Variants in SNX29 observed in about 807,000 individuals in gnomAD.
SNX29 encodes sorting nexin-29.
SNX29 carries 78 observed loss-of-function variants against 102.1 expected under a neutral mutation model. That is an observed-to-expected ratio of 0.76 (90% CI 0.64 to 0.92). The LOEUF is 0.92. SNX29 is among the 40% of genes least tolerant of loss of function. The pLI, the probability that SNX29 is intolerant of heterozygous loss-of-function variation, is 0.00. For synonymous variants in SNX29, 580 were observed against 414.5 expected (o/e 1.40, Z -4.85); for missense variants, 1,280 against 1,061.7 (o/e 1.21, Z -2.86).
chr16:11,989,772 G>A (rs1450900179), intron 1 of SNX29, among the ~76,000 whole-genome samples: 3 of 152,202 alleles, frequency 2.0e-5, no homozygotes, highest in Non-Finnish European at 4.4e-5. Context: ...TTACATCAGC[G>A]CTATGGCAGG....
At chr16:12,115,916 A>G (rs949621871) in intron 11 of SNX29, among the ~76,000 whole-genome samples, 1 of 152,238 alleles carries the variant, frequency 6.6e-6, no homozygotes. Flanking sequence ...TTAGGGGAGC[A>G]GCTGTCTTCC....
intron 15 of SNX29, among the ~76,000 whole-genome samples, chr16:12,305,079 A>T (rs542236743): frequency 1.3e-5 from 2 of 152,364 alleles, no homozygotes; most frequent in African/African-American, 4.8e-5. Flanking sequence ...ATCAATTATC[A>T]TAGTGTGACA....
chr16:12,572,335 G>A lies in SNX29; in HGVS notation c.*3706G>A, dbSNP rs916070369. The A allele has an allele frequency of 9.4e-7, 1 of 1,063,180 alleles. No individual in the cohort carries two copies. The allele number at this position is 1,063,180 out of a possible 1,614,324, so 65.9% of individuals were successfully genotyped here. ...TTGGAAACAGGAGTGAAGCCCACCA[G>A]CCTGCCTGGTTGATGGACAGCAGGC... On this transcript the variant is annotated 3_prime_UTR_variant, in exon 21 of 21. Transcript: ENST00000566228.
In SNX29 at chr16:12,392,039, G is replaced by A. The variant is rs543444110; in HGVS notation, c.1900-6407G>A. Among the ~76,000 whole-genome samples the A allele has an allele frequency of 5.3e-5, 8 of 152,310 alleles. No homozygotes were observed. The South Asian group carries it at 1.7e-3, about 32-fold the overall frequency. ...GCACCCATGGCTAGCAGGTTCTTAC[G>A]TGTCTTTATAGAAATGGTTCATGCA... On this transcript the variant is annotated intron_variant, in intron 16 of 20. Transcript: ENST00000566228.
chr16:12,248,525 G>A (rs747599878), intron 14 of SNX29, among the ~76,000 whole-genome samples: 1 of 151,820 alleles, frequency 6.6e-6, no homozygotes, highest in Admixed American at 6.6e-5. Flanking sequence ...CCTCCTGAGC[G>A]ATTACAGGCG....
chr16:12,348,230 C>T (rs550452138), intron 15 of SNX29, among the ~76,000 whole-genome samples: 16 of 152,298 alleles, frequency 1.1e-4, no homozygotes, highest in African/African-American at 3.6e-4. Flanking sequence ...TCATGTCTGC[C>T]AGTCTCCTGG....
At chr16:12,093,967 C>A (rs1454804292) in intron 11 of SNX29, 1 of 152,184 alleles carries the variant, frequency 6.6e-6, no homozygotes, top group Non-Finnish European at 1.5e-5. Context: ...TCTGGGGCAA[C>A]ACTGGCAATC....
intron 11 of SNX29, among the ~76,000 whole-genome samples, chr16:12,101,752 T>C (rs2053031591): frequency 6.6e-6 from 1 of 152,154 alleles, no homozygotes; most frequent in Non-Finnish European, 1.5e-5. Context: ...TTGGTAATAA[T>C]GAAAAAGGAA....
At chr16:12,094,829 G>T (rs554184945) in intron 11 of SNX29, among the ~76,000 whole-genome samples, 1 of 152,016 alleles carries the variant, frequency 6.6e-6, no homozygotes, top group East Asian at 1.9e-4. Context: ...AAGCAGCAGG[G>T]CCGTTTTCCA....
intron 14 of SNX29, among the ~76,000 whole-genome samples, chr16:12,213,027 T>C (rs927175761): frequency 4.6e-5 from 7 of 152,240 alleles, no homozygotes; most frequent in African/African-American, 1.4e-4. Flanking sequence ...GGCAGGAGAA[T>C]AGCTTGAATC....
At position 12,403,457 on chromosome 16, in the gene SNX29, G is replaced by A. The variant is rs1157218419; in HGVS notation, c.1965G>A (p.Arg655=). Residue 655 remains arginine, a synonymous_variant, in exon 18 of 21, where the codon CGG becomes CGA. Coordinates refer to ENST00000566228, the MANE Select transcript of SNX29 (RefSeq NM_032167.5). The part of the protein sequence containing the change: ...QSLSDFEISN[R]ALINVWIPSV... ...TCTTCCTTTTGGTTAGATCAAACCG[G>A]GCGCTGATCAACGTCTGGATCCCCT... The A allele has an allele frequency of 6.2e-6, 10 of 1,607,390 alleles. No homozygotes were observed. The highest frequency in any genetic ancestry group is 8.5e-6 in the Non-Finnish European group (10 of 1,176,828).
chr16:12,414,643 A>G (rs949774864), intron 18 of SNX29, among the ~76,000 whole-genome samples: 7 of 152,212 alleles, frequency 4.6e-5, no homozygotes, highest in Admixed American at 2.0e-4. Flanking sequence ...TGGTAAAAGT[A>G]GAAGTCCTGC....
chr16:12,344,981 C>A (rs2081747196), intron 15 of SNX29, among the ~76,000 whole-genome samples: 1 of 152,200 alleles, frequency 6.6e-6, no homozygotes, highest in Non-Finnish European at 1.5e-5. Context: ...ATAATTACAC[C>A]CATTGTGTGG....
At chr16:12,288,678 G>GAAAAAAAAAA (rs532173454) in intron 15 of SNX29, among the ~76,000 whole-genome samples, 1 of 107,012 alleles carries the variant, frequency 9.3e-6, no homozygotes. Context: ...GACATCTGGG[G>GAAAAAAAAAA]AAAAAAAAAA....
At chr16:12,535,739 C>G (rs867484458) in intron 20 of SNX29, among the ~76,000 whole-genome samples, 3 of 152,094 alleles carry the variant, frequency 2.0e-5, no homozygotes, top group African/African-American at 4.8e-5. Context: ...GGCTTGGTCA[C>G]GCTCGTCTTC....
chr16:12,488,624 C>T (rs2088375026), intron 19 of SNX29, among the ~76,000 whole-genome samples: 1 of 152,134 alleles, frequency 6.6e-6, no homozygotes, highest in Admixed American at 6.5e-5. Flanking sequence ...TGGTTAATTT[C>T]CTTTCTCCCT....
At chr16:12,326,776 C>A (rs917176702) in intron 15 of SNX29, among the ~76,000 whole-genome samples, 2 of 152,088 alleles carry the variant, frequency 1.3e-5, no homozygotes, top group Non-Finnish European at 2.9e-5. Flanking sequence ...GCTTGTGGTA[C>A]TGTGGTGCAG....
intron 3 of SNX29, among the ~76,000 whole-genome samples, chr16:12,011,059 C>T (rs987707361): frequency 3.3e-5 from 5 of 152,122 alleles, no homozygotes; most frequent in Admixed American, 6.6e-5. Flanking sequence ...ACCAAAAATC[C>T]TGGGGTTCAT....
chr16:12,035,790 T>G (rs747340079), intron 4 of SNX29, among the ~76,000 whole-genome samples: 10 of 152,202 alleles, frequency 6.6e-5, no homozygotes, highest in Admixed American at 1.3e-4. Context: ...CGGTGAGGGA[T>G]TAAGCCAGTT....
Sources: allele counts gnomAD v4.1 joint callset (sites outside exome capture counted in the v4.1 genomes callset), GRCh38; gene constraint gnomAD v4.1.1; transcripts MANE v1.5; gene names NCBI Gene and HGNC (gene_info 2026-07-23, HGNC 2026-07-21).